The following ATOH8 variants were observed in gnomAD, a reference collection of about 807,000 sequenced individuals.
ATOH8 encodes atonal bHLH transcription factor 8.
Under a neutral mutation model 21.2 loss-of-function variants are expected in ATOH8, and 9 were observed. That is an observed-to-expected ratio of 0.42 (90% CI 0.26 to 0.74). The LOEUF is 0.74. ATOH8 is among the 30% of genes least tolerant of loss of function. The probability of loss-of-function intolerance (pLI) is 0.24; values close to 1 mark genes in which losing one functional copy is unlikely to be tolerated. For missense variants in ATOH8, 524 were observed against 470.9 expected, an observed-to-expected ratio of 1.11 and a Z score of -1.04; for synonymous variants, 253 against 224.0, an observed-to-expected ratio of 1.13 and a Z score of -1.16.
At chr2:85,775,970 T>G (rs1228843821) in intron 2 of ATOH8, among the ~76,000 whole-genome samples, 1 of 152,216 alleles carries the variant, frequency 6.6e-6, no homozygotes, top group Non-Finnish European at 1.5e-5. Context: ...AGCCCCATTT[T>G]CAGGTGACAG....
rs1250352315 is a variant in ATOH8, at chr2:85,754,879, C to T, written c.690C>T (p.Thr230=). 6.2e-7 allele frequency: 1 copy of T among 1,611,756 alleles called. No homozygotes were observed. The highest frequency in any genetic ancestry group is 8.5e-7 in the Non-Finnish European group (1 of 1,179,812). ...ASSEIKALQQ[T]RRLLANARER... is the part of the protein sequence containing the mutation. ...CCGAGATCAAAGCCCTGCAGCAGAC[C>T]CGGAGGCTCCTGGCGAACGCCAGGG... The change falls in exon 1 of 3, where the codon ACC becomes ACT. Residue 230 remains threonine (T), a synonymous_variant. Coordinates refer to ENST00000306279, the MANE Select transcript of ATOH8 (RefSeq NM_032827.7).
At position 85,754,231 on chromosome 2, in the gene ATOH8, C is replaced by T; in HGVS notation, c.42C>T (p.Thr14=). ...IPVLEDGPWK[T]VCVKELNGLK... ...TCCTCGAGGACGGGCCGTGGAAGAC[C>T]GTGTGCGTGAAGGAGCTGAACGGCC... The change falls in exon 1 of 3, where the codon ACC becomes ACT. Residue 14 remains threonine, a synonymous_variant. Coordinates refer to ENST00000306279, the MANE Select transcript of ATOH8 (RefSeq NM_032827.7). 6.2e-7 allele frequency: 1 copy of T among 1,607,898 alleles called. No individual in the cohort carries two copies. Among genetic ancestry groups the T allele is most frequent in the Non-Finnish European group, 8.5e-7 (1 of 1,177,970 alleles).
intron 1 of ATOH8, among the ~76,000 whole-genome samples, chr2:85,760,043 G>A (rs1679819188): frequency 6.6e-6 from 1 of 152,162 alleles, no homozygotes; most frequent in Non-Finnish European, 1.5e-5. Flanking sequence ...TCACATGGCT[G>A]GCCAGGAGTG....
intron 2 of ATOH8, among the ~76,000 whole-genome samples, chr2:85,776,717 C>T (rs1348633489): frequency 2.0e-5 from 3 of 152,170 alleles, no homozygotes; most frequent in Non-Finnish European, 4.4e-5. Context: ...GCTCTACCTG[C>T]ACAGGGCCCA....
rs1226141922 is a variant in ATOH8 at position 85,754,648 on chromosome 2, C to T, written c.459C>T (p.Arg153=). 6.5e-7 allele frequency: 1 copy of T among 1,528,470 alleles called. No homozygotes were observed. The highest frequency in any genetic ancestry group is 1.4e-5 in the African/African-American group (1 of 72,146). The allele number at this position is 1,528,470 out of a possible 1,614,324, so 94.7% of individuals were successfully genotyped here. Residue 153 remains arginine (R), a synonymous_variant, in exon 1 of 3, where the codon CGC becomes CGT. Coordinates refer to ENST00000306279, the MANE Select transcript of ATOH8 (RefSeq NM_032827.7). ...QPFREPGLRP[R]ILLCAPPARP... is the part of the protein sequence containing the mutation. The stretch of plus-strand genomic sequence containing the variant: ...TCCGGGAGCCGGGTCTGCGTCCTCG[C>T]ATCTTGCTGTGCGCACCGCCCGCGC...
intron 2 of ATOH8, among the ~76,000 whole-genome samples, chr2:85,784,066 C>T (rs1680565808): frequency 6.6e-6 from 1 of 152,152 alleles, no homozygotes; most frequent in African/African-American, 2.4e-5. Context: ...CTGTTATTAG[C>T]AGGCGTCTAG....
intron 1 of ATOH8, 29 bp downstream of exon 1, chr2:85,754,986 T>A (rs772173128): frequency 2.1e-5 from 33 of 1,560,928 alleles, no homozygotes; most frequent in Admixed American, 3.7e-5. Context: ...ACGCCCTCAC[T>A]GCGCCGGGGG....
intron 1 of ATOH8, among the ~76,000 whole-genome samples, chr2:85,763,069 C>A (rs1031524717): frequency 6.6e-6 from 1 of 152,088 alleles, no homozygotes; most frequent in Non-Finnish European, 1.5e-5. Context: ...CAGGAGCCAT[C>A]GTTGCTGGAT....
At chr2:85,776,179 G>T (rs1255018256) in intron 2 of ATOH8, among the ~76,000 whole-genome samples, 2 of 152,088 alleles carry the variant, frequency 1.3e-5, no homozygotes, top group South Asian at 2.1e-4. Flanking sequence ...GGGCAGGGCT[G>T]GGTGGGGCTT....
intron 2 of ATOH8, among the ~76,000 whole-genome samples, chr2:85,779,896 C>T (rs994088537): frequency 6.6e-6 from 1 of 152,202 alleles, no homozygotes. Flanking sequence ...TTCCCAGGCC[C>T]TGGGAGGATG....
In ATOH8 at chr2:85,783,025, G is replaced by A. The variant is rs552918685; in HGVS notation, c.961-3860G>A. Among the ~76,000 whole-genome samples, 4 of 152,314 alleles carry A rather than the reference G, an allele frequency of 2.6e-5. No homozygotes were observed. In the South Asian group the frequency reaches 6.2e-4, roughly 24 times the overall value. On this transcript the variant is annotated intron_variant, in intron 2 of 2. Coordinates refer to ENST00000306279, the MANE Select transcript of ATOH8 (RefSeq NM_032827.7). ...GAGATACTGCTGTGTGTTAGATACT[G>A]TTTTGGGCATTGGAGCTACAACAGC...
intron 1 of ATOH8, among the ~76,000 whole-genome samples, chr2:85,756,473 T>C (rs937068955): frequency 1.3e-5 from 2 of 152,192 alleles, no homozygotes; most frequent in Non-Finnish European, 2.9e-5. Context: ...CAGAGCCTCA[T>C]AGCTGTTGAG....
rs182018684 is a variant in ATOH8, at chr2:85,786,333, A to G, written c.961-552A>G. Among the ~76,000 whole-genome samples the G allele has an allele frequency of 5.3e-5, 8 of 152,310 alleles. No individual in the cohort carries two copies. The East Asian group carries it at 1.5e-3, about 29-fold the overall frequency. On this transcript the variant is annotated intron_variant, in intron 2 of 2. Transcript: ENST00000306279. ...TCCTGCTTAAAAGGAGCTTTCATCG[A>G]TCTGCTCCAGCCACGCCATTTTACA...
chr2:85,754,691 C>T lies in ATOH8; in HGVS notation c.502C>T (p.Pro168Ser), dbSNP rs748540135. The change falls in exon 1 of 3, where the codon CCC becomes TCC. Residue 168 changes from proline (P) to serine (S), a missense_variant. By Grantham distance (74) the Pro-to-Ser change is moderately conservative (BLOSUM62 -1). Coordinates refer to ENST00000306279, the MANE Select transcript of ATOH8 (RefSeq NM_032827.7). ...GCCCGCGCGCCCCGCGCCGTCAGCACCCCCAGCACCGCCAGCGCCCCCGGA... is the reference window on the plus strand; with the variant it reads ...GCCCGCGCGCCCCGCGCCGTCAGCATCCCCAGCACCGCCAGCGCCCCCGGA... ...APPARPAPSA[P>S]PAPPAPPEST... 7.4e-5 allele frequency: 119 copies of T among 1,602,118 alleles called. No homozygotes were observed. The highest frequency in any genetic ancestry group is 9.7e-5 in the Non-Finnish European group (114 of 1,174,840).
At chr2:85,774,110 T>A (rs1303132388) in intron 2 of ATOH8, 2 of 985,378 alleles carry the variant, frequency 2.0e-6, no homozygotes, top group Admixed American at 1.2e-4. Flanking sequence ...AATATTGTTT[T>A]GCAAAATCTG....
At chr2:85,767,562 T>TCCCCTCCCCTCCCC (rs1288177168) in intron 2 of ATOH8, among the ~76,000 whole-genome samples, 1 of 20,592 alleles carries the variant, frequency 4.9e-5, no homozygotes. Flanking sequence ...GTATTCCCTC[T>TCCCCTCCCCTCCCC]TCCCCTCCCC....
chr2:85,754,950 G>A lies in ATOH8; in HGVS notation c.761G>A (p.Arg254Lys). ...ATCAGCGCAGCCTTCGAGGCGCTCA[G>A]GAAGCAGGTACCCGCTCGCCGCCGC... ...HTISAAFEAL[R>K]KQVPCYSYGQ... The change falls in exon 1 of 3, where the codon AGG (arginine) becomes AAG (lysine). Residue 254 changes from arginine to lysine, a missense_variant. By Grantham distance (26) the Arg-to-Lys change is conservative. Coordinates refer to ENST00000306279, the MANE Select transcript of ATOH8 (RefSeq NM_032827.7). 1.3e-6 allele frequency: 2 copies of A among 1,592,606 alleles called. No homozygotes were observed. Among genetic ancestry groups the A allele is most frequent in the Non-Finnish European group, 1.7e-6 (2 of 1,174,160 alleles).
rs1183367954 is a variant in ATOH8, at chr2:85,754,849, C to T, written c.660C>T (p.Ala220=). Reference sequence around the variant, plus strand: ...AACGACCGGGCGAAGCGACTGCCGCCTCCTCCGAGATCAAAGCCCTGCAGC... The same window carrying T: ...AACGACCGGGCGAAGCGACTGCCGCTTCCTCCGAGATCAAAGCCCTGCAGC... The part of the protein sequence containing the change: ...PRKRPGEATA[A]SSEIKALQQT... Residue 220 remains alanine (A), a synonymous_variant, in exon 1 of 3, where the codon GCC becomes GCT. Coordinates refer to ENST00000306279, the MANE Select transcript of ATOH8 (RefSeq NM_032827.7). 9 of 1,612,516 alleles carry T rather than the reference C, an allele frequency of 5.6e-6. No homozygotes were observed. The highest frequency in any genetic ancestry group is 1.1e-5 in the South Asian group (1 of 91,084).
At position 85,790,485 on chromosome 2, in the gene ATOH8, G is replaced by C. The variant is rs1011886008; in HGVS notation, c.*3595G>C. On this transcript the variant is annotated 3_prime_UTR_variant, in exon 3 of 3. Coordinates refer to ENST00000306279, the MANE Select transcript of ATOH8 (RefSeq NM_032827.7). Reference sequence around the variant, plus strand: ...TCTGGCCTGAGACTATCCCAGAAGAGAGGGTTAAATTCTGGAGGTGAGGTT... The same window carrying C: ...TCTGGCCTGAGACTATCCCAGAAGACAGGGTTAAATTCTGGAGGTGAGGTT... Among the ~76,000 whole-genome samples the C allele has an allele frequency of 6.6e-6, 1 of 152,224 alleles. No homozygotes were observed. The highest frequency in any genetic ancestry group is 1.5e-5 in the Non-Finnish European group (1 of 68,040).
Sources: gnomAD v4.1 joint callset for allele counts (sites outside exome capture counted in the v4.1 genomes callset) on GRCh38, gnomAD v4.1.1 for gene constraint, MANE v1.5 for transcripts, NCBI Gene and HGNC (gene_info 2026-07-23, HGNC 2026-07-21) for gene names.